The following PCDHA11 variants were observed in gnomAD, a reference collection of about 807,000 sequenced individuals.
The protein encoded by PCDHA11 is protocadherin alpha-11.
Under a neutral mutation model 70.3 loss-of-function variants are expected in PCDHA11, and 61 were observed. The observed-to-expected ratio is 0.87, with a 90% CI of 0.71 to 1.07. The LOEUF is 1.07. PCDHA11 is among the 50% of genes least tolerant of loss of function. The pLI, the probability that PCDHA11 is intolerant of heterozygous loss-of-function variation, is 0.00. For synonymous variants in PCDHA11, 633 were observed against 555.1 expected (o/e 1.14, Z -1.97); for missense variants, 1,324 against 1,237.5 (o/e 1.07, Z -1.05).
intron 1 of PCDHA11, among the ~76,000 whole-genome samples, chr5:140,924,911 TA>T (rs1563069164): frequency 3.0e-4 from 18 of 59,772 alleles, no homozygotes; most frequent in Middle Eastern, 7.5e-3. Flanking sequence ...AAAAATAAAA[TA>T]AAATAAAATA....
At position 140,941,202 on chromosome 5, in the gene PCDHA11, C is replaced by CCCTTCTTTCTTTCTTT. The variant is rs2092811279; in HGVS notation, c.2392-37746_2392-37745insCTTCTTTCTTTCTTTC. Among the ~76,000 whole-genome samples, 5 of 122,742 alleles carry CCCTTCTTTCTTTCTTT rather than the reference C, an allele frequency of 4.1e-5. No homozygotes were observed. The East Asian group carries it at 1.1e-3, about 27-fold the overall frequency. 80.5% of individuals were successfully genotyped at this position (122,742 alleles called of 152,430 possible). On this transcript the variant is annotated intron_variant, in intron 1 of 3. Transcript: ENST00000398640. ...TCCTGCTTCTTTTTTTTTCTTTCTTCCTTTCTTTCTTCCTTTCTTTCTTTC... is the reference window on the plus strand; with the variant it reads ...TCCTGCTTCTTTTTTTTTCTTTCTTCCCTTCTTTCTTTCTTTCTTTCTTTCTTCCTTTCTTTCTTTC...
chr5:140,928,172 C>T (rs782267454), intron 1 of PCDHA11: 1 of 1,614,200 alleles, frequency 6.2e-7, no homozygotes, highest in South Asian at 1.1e-5. Flanking sequence ...CCACTTAGCA[C>T]CCGAAGGACA....
chr5:140,930,453 C>G (rs1195640207), intron 1 of PCDHA11: 6 of 152,300 alleles, frequency 3.9e-5, no homozygotes, highest in African/African-American at 1.5e-4. Flanking sequence ...AAACTCCTAG[C>G]CTCAAGTGAT....
chr5:140,871,755 T>C (rs2053292269), intron 1 of PCDHA11, among the ~76,000 whole-genome samples: 1 of 152,248 alleles, frequency 6.6e-6, no homozygotes. Context: ...AGAAATGAGA[T>C]GCAAGAGTGA....
intron 1 of PCDHA11, among the ~76,000 whole-genome samples, chr5:140,950,831 TTAAGAC>T (rs1337916001): frequency 6.6e-6 from 1 of 152,128 alleles, no homozygotes; most frequent in Non-Finnish European, 1.5e-5. Flanking sequence ...GTTTGGTCCT[TTAAGAC>T]TATACATTTC....
chr5:140,913,384 C>G (rs1018271300), intron 1 of PCDHA11, among the ~76,000 whole-genome samples: 1 of 152,144 alleles, frequency 6.6e-6, no homozygotes, highest in Non-Finnish European at 1.5e-5. Flanking sequence ...AGTGGCTCAT[C>G]ATAGCCACTA....
chr5:140,920,841 T>TAAAAAAAA (rs781921146), intron 1 of PCDHA11, among the ~76,000 whole-genome samples: 2 of 109,228 alleles, frequency 1.8e-5, no homozygotes, highest in Non-Finnish European at 1.9e-5. Context: ...AGACCAAATC[T>TAAAAAAAA]AAAAAAAAAA....
In PCDHA11 at chr5:140,927,984, A is replaced by G. The variant is rs112872627; in HGVS notation, c.2392-50965A>G. 5.7e-5 allele frequency: 92 copies of G among 1,614,218 alleles called. 4 individuals are homozygous for G. In the African/African-American group the frequency reaches 7.1e-4, roughly 12 times the overall value. Reference sequence around the variant, plus strand: ...GCACAGTGATTGCTCTCTTTAGTGTAAAGGATGAAGACCTCGATTCTAATG... The same window carrying G: ...GCACAGTGATTGCTCTCTTTAGTGTGAAGGATGAAGACCTCGATTCTAATG... On this transcript the variant is annotated intron_variant, in intron 1 of 3. Coordinates refer to ENST00000398640, the MANE Select transcript of PCDHA11 (RefSeq NM_018902.5).
Position 140,870,895 on chromosome 5 carries a change from G to A in PCDHA11, c.1792G>A (p.Ala598Thr), listed in dbSNP as rs2052513329. The change falls in exon 1 of 4, where the codon GCG becomes ACG. Residue 598 changes from alanine (A) to threonine (T), a missense_variant. Coordinates refer to ENST00000398640, the MANE Select transcript of PCDHA11 (RefSeq NM_018902.5). ...HVVAKVRAVD[A>T]DSGYNAWLSY... ...GGTGGCGAAGGTGCGCGCAGTGGAT[G>A]CGGACTCAGGCTACAACGCGTGGCT... 6.2e-7 allele frequency: 1 copy of A among 1,613,844 alleles called. No individual in the cohort carries two copies. The highest frequency in any genetic ancestry group is 1.3e-5 in the African/African-American group (1 of 74,946).
chr5:140,877,408 C>A, intron 1 of PCDHA11: 1 of 1,613,924 alleles, frequency 6.2e-7, no homozygotes, highest in South Asian at 1.1e-5. Context: ...TCCGCGCCAC[C>A]GCCTGCTGGT....
chr5:140,980,058 A>C (rs1554241393), intron 2 of PCDHA11, among the ~76,000 whole-genome samples: 1 of 152,254 alleles, frequency 6.6e-6, no homozygotes, highest in Non-Finnish European at 1.5e-5. Context: ...ATTCAGAAGC[A>C]ATCAGTGAAG....
At chr5:140,877,838 A>G (rs1395855806) in intron 1 of PCDHA11, 16 of 1,583,236 alleles carry the variant, frequency 1.0e-5, no homozygotes, top group Non-Finnish European at 1.4e-5. Flanking sequence ...CCTCCCAGTG[A>G]AGTAAGTTAT....
intron 1 of PCDHA11, among the ~76,000 whole-genome samples, chr5:140,938,387 A>G (rs2092042874): frequency 6.6e-6 from 1 of 152,220 alleles, no homozygotes. Flanking sequence ...AATATTTAAT[A>G]TGAAATACAT....
At chr5:140,928,585 G>A (rs1554206029) in intron 1 of PCDHA11, 1 of 1,614,194 alleles carries the variant, frequency 6.2e-7, no homozygotes, top group Admixed American at 1.7e-5. Context: ...AAATGGTTCT[G>A]TCCCAGTGGA....
intron 1 of PCDHA11, among the ~76,000 whole-genome samples, chr5:140,951,019 G>A (rs555662052): frequency 2.0e-5 from 3 of 152,114 alleles, no homozygotes; most frequent in African/African-American, 7.2e-5. Context: ...ATCAGGCAGT[G>A]AGTTTTAATT....
intron 1 of PCDHA11, among the ~76,000 whole-genome samples, chr5:140,891,366 T>C (rs1261887556): frequency 6.6e-6 from 1 of 152,168 alleles, no homozygotes; most frequent in Non-Finnish European, 1.5e-5. Flanking sequence ...CTGAGCAGTA[T>C]ACATTGCACC....
At chr5:141,000,410 TATATATATATA>T (rs1554257433) in intron 3 of PCDHA11, among the ~76,000 whole-genome samples, 1 of 101,972 alleles carries the variant, frequency 9.8e-6, no homozygotes, top group Non-Finnish European at 2.0e-5. Context: ...TATATATATA[TATATATATATA>T]TTTTTTTTTT....
At chr5:140,964,446 G>A (rs782155669) in intron 1 of PCDHA11, among the ~76,000 whole-genome samples, 2 of 152,100 alleles carry the variant, frequency 1.3e-5, no homozygotes, top group Non-Finnish European at 2.9e-5. Context: ...CTCTGCCACT[G>A]TAATCTCTTC....
rs782034471 is a variant in PCDHA11 at position 141,010,170 on chromosome 5, T to G, written c.*233T>G. ...TCCACTCTGGCTTGTTTTCAGAACCTAAAAAGCAGACCCAAGTTTCCTTTC... is the reference window on the plus strand; with the variant it reads ...TCCACTCTGGCTTGTTTTCAGAACCGAAAAAGCAGACCCAAGTTTCCTTTC... On this transcript the variant is annotated 3_prime_UTR_variant, in exon 4 of 4. Transcript: ENST00000398640. 6.4e-7 allele frequency: 1 copy of G among 1,559,590 alleles called. No individual in the cohort carries two copies.
Sources: allele counts gnomAD v4.1 joint callset (sites outside exome capture counted in the v4.1 genomes callset), GRCh38; gene constraint gnomAD v4.1.1; transcripts MANE v1.5; gene names NCBI Gene and HGNC (gene_info 2026-07-23, HGNC 2026-07-21).